Variants in NMBR observed in about 807,000 individuals in gnomAD.
NMBR encodes neuromedin B receptor, also known as neuromedin-B receptor.
In NMBR, 16 loss-of-function variants were observed where a neutral mutation model predicts 20.5. The observed-to-expected ratio is 0.78, with a 90% CI of 0.53 to 1.19. The LOEUF is 1.19. Ranked by LOEUF, NMBR falls within the 50% of genes most tolerant of loss-of-function variation. The pLI is 0.00. For synonymous variants in NMBR, 212 were observed against 196.6 expected (o/e 1.08, Z -0.65); for missense variants, 582 against 499.1 (o/e 1.17, Z -1.58).
In NMBR at chr6:142,147,101, T is replaced by C. The variant is rs2114621080; in HGVS notation, c.-721A>G. The C allele has an allele frequency of 1.6e-6, 1 of 606,538 alleles. No individual in the cohort carries two copies. Among genetic ancestry groups the C allele is most frequent in the South Asian group, 2.0e-5 (1 of 50,012 alleles). The allele number at this position is 606,538 out of a possible 1,614,324, so 37.6% of individuals were successfully genotyped here. ...AGCGCCAAAATGCTCGGGTCTTCTGTGGGTTCTAACCGCCGAGAGCCAAGC... is the reference window on the plus strand; with the variant it reads ...AGCGCCAAAATGCTCGGGTCTTCTGCGGGTTCTAACCGCCGAGAGCCAAGC... On this transcript the variant is annotated 5_prime_UTR_variant, in exon 1 of 4. Coordinates refer to ENST00000258042, the MANE Select transcript of NMBR (RefSeq NM_002511.4).
chr6:142,130,876 C>T (rs1300723554), intron 1 of NMBR, among the ~76,000 whole-genome samples: 3 of 152,114 alleles, frequency 2.0e-5, no homozygotes, highest in African/African-American at 4.8e-5. Context: ...GTATAGTATA[C>T]TGCAGAACAG....
intron 1 of NMBR, among the ~76,000 whole-genome samples, chr6:142,097,888 G>C (rs957340518): frequency 6.6e-6 from 1 of 151,524 alleles, no homozygotes; most frequent in East Asian, 1.9e-4. Context: ...TTTTACAGAA[G>C]AAAAAAGTCA....
intron 1 of NMBR, among the ~76,000 whole-genome samples, chr6:142,145,258 G>C (rs959819634): frequency 2.0e-5 from 3 of 152,056 alleles, no homozygotes; most frequent in African/African-American, 7.2e-5. Flanking sequence ...AGTAACAGGA[G>C]GGTGCAGCCT....
chr6:142,103,479 C>T (rs1024279703), intron 1 of NMBR, among the ~76,000 whole-genome samples: 1 of 152,116 alleles, frequency 6.6e-6, no homozygotes, highest in Non-Finnish European at 1.5e-5. Flanking sequence ...CAATTTAGAA[C>T]AGCCACCAAA....
At chr6:142,108,374 T>C (rs1395635249) in intron 1 of NMBR, among the ~76,000 whole-genome samples, 2 of 152,216 alleles carry the variant, frequency 1.3e-5, no homozygotes, top group African/African-American at 4.8e-5. Flanking sequence ...TAAGGTTATG[T>C]ACTAGTCTGT....
At chr6:142,076,105 T>A (rs1003168662) in intron 3 of NMBR, 56 bp from the exon 4 acceptor site, 6 of 1,475,868 alleles carry the variant, frequency 4.1e-6, no homozygotes, top group Middle Eastern at 3.6e-4. Flanking sequence ...ACCAGCCACA[T>A]ACCAACTTTA....
At chr6:142,090,451 T>C (rs1322560187) in intron 1 of NMBR, among the ~76,000 whole-genome samples, 1 of 151,842 alleles carries the variant, frequency 6.6e-6, no homozygotes, top group African/African-American at 2.4e-5. Flanking sequence ...CAATTTTAAG[T>C]TTTATGTTTT....
intron 1 of NMBR, among the ~76,000 whole-genome samples, chr6:142,130,877 T>G (rs1364485180): frequency 1.3e-5 from 2 of 152,152 alleles, no homozygotes; most frequent in Non-Finnish European, 2.9e-5. Context: ...TATAGTATAC[T>G]GCAGAACAGC....
chr6:142,124,902 A>C (rs1778004542), intron 1 of NMBR, among the ~76,000 whole-genome samples: 1 of 151,856 alleles, frequency 6.6e-6, no homozygotes, highest in African/African-American at 2.4e-5. Context: ...ATAGAATCCA[A>C]TCCCTTCTTT....
chr6:142,143,435 C>T (rs1435406912), intron 1 of NMBR, among the ~76,000 whole-genome samples: 1 of 152,174 alleles, frequency 6.6e-6, no homozygotes, highest in African/African-American at 2.4e-5. Flanking sequence ...CAGGCATGTG[C>T]CACCACACCC....
intron 2 of NMBR, among the ~76,000 whole-genome samples, chr6:142,085,726 CTAAT>C (rs1448445791): frequency 5.3e-5 from 8 of 152,038 alleles, no homozygotes; most frequent in African/African-American, 1.9e-4. Context: ...TTTCTGAAAT[CTAAT>C]TATCTTCCTG....
intron 2 of NMBR, among the ~76,000 whole-genome samples, chr6:142,084,705 A>T (rs1346772412): frequency 6.6e-6 from 1 of 152,224 alleles, no homozygotes; most frequent in African/African-American, 2.4e-5. Context: ...GCATTTTAAT[A>T]ATGTGCCATC....
At position 142,077,395 on chromosome 6, in the gene NMBR, T is replaced by C. The variant is rs979158803; in HGVS notation, c.771+1160A>G. ...CAAAAGCAAATACTCAAATACCTAA[T>C]TGAGATACACAGGGCTCAAATTGGG... On this transcript the variant is annotated intron_variant, in intron 3 of 3. Coordinates refer to ENST00000258042, the MANE Select transcript of NMBR (RefSeq NM_002511.4). 3.9e-5 allele frequency among the ~76,000 whole-genome samples: 6 copies of C among 152,296 alleles called. No homozygotes were observed. The East Asian group carries it at 9.6e-4, about 24-fold the overall frequency.
At chr6:142,108,524 T>A (rs1777699870) in intron 1 of NMBR, among the ~76,000 whole-genome samples, 1 of 152,096 alleles carries the variant, frequency 6.6e-6, no homozygotes, top group Non-Finnish European at 1.5e-5. Context: ...CACATCCTTC[T>A]TCACCTAACT....
At chr6:142,137,011 C>T (rs538439532) in intron 1 of NMBR, among the ~76,000 whole-genome samples, 8 of 151,866 alleles carry the variant, frequency 5.3e-5, no homozygotes, top group Non-Finnish European at 1.0e-4. Flanking sequence ...ATTTTAAAGT[C>T]GTTTTTTCCA....
chr6:142,109,349 AG>A (rs1777718247), intron 1 of NMBR, among the ~76,000 whole-genome samples: 1 of 152,178 alleles, frequency 6.6e-6, no homozygotes, highest in African/African-American at 2.4e-5. Flanking sequence ...CGAGGATATA[AG>A]GTCAGAAGTA....
chr6:142,134,610 T>A (rs1000306806), intron 1 of NMBR: 10 of 674,478 alleles, frequency 1.5e-5, no homozygotes, highest in Non-Finnish European at 2.4e-5. Context: ...AAAGCATCAA[T>A]CAAGAATGCA....
intron 1 of NMBR, among the ~76,000 whole-genome samples, chr6:142,102,183 T>A (rs1777577103): frequency 6.6e-6 from 1 of 151,894 alleles, no homozygotes; most frequent in African/African-American, 2.4e-5. Flanking sequence ...GGTCAGAAGA[T>A]CAAGACCATC....
chr6:142,101,107 C>T (rs1020204934), intron 1 of NMBR, among the ~76,000 whole-genome samples: 6 of 152,130 alleles, frequency 3.9e-5, no homozygotes, highest in African/African-American at 1.4e-4. Context: ...AAGTGATATA[C>T]AGAAAACAGA....
Sources: gnomAD v4.1 joint callset for allele counts (sites outside exome capture counted in the v4.1 genomes callset) on GRCh38, gnomAD v4.1.1 for gene constraint, MANE v1.5 for transcripts, NCBI Gene and HGNC (gene_info 2026-07-23, HGNC 2026-07-21) for gene names.